Variants in HNRNPD observed in about 807,000 individuals in gnomAD.
HNRNPD encodes heterogeneous nuclear ribonucleoprotein D, also known as heterogeneous nuclear ribonucleoprotein D0.
A neutral mutation model predicts 47.9 loss-of-function variants in HNRNPD; 3 were observed. That is an observed-to-expected ratio of 0.06 (90% CI 0.03 to 0.16). The LOEUF (loss-of-function observed/expected upper bound fraction) is 0.16, where lower values mean the gene tolerates loss of function less well. Ranked by LOEUF, HNRNPD falls within the 10% of genes least tolerant of loss-of-function variation. HNRNPD has a pLI of 1.00. For missense variants in HNRNPD, 287 were observed against 454.2 expected, an observed-to-expected ratio of 0.63 and a Z score of 3.35; for synonymous variants, 171 against 165.1, an observed-to-expected ratio of 1.04 and a Z score of -0.28.
chr4:82,367,810 G>A (rs1490313542), intron 2 of HNRNPD, among the ~76,000 whole-genome samples: 4 of 152,164 alleles, frequency 2.6e-5, no homozygotes, highest in African/African-American at 7.2e-5. Context: ...CTCCACAGGA[G>A]TAAATCACTG....
chr4:82,353,880 G>A lies in HNRNPD; in HGVS notation c.*305C>T, dbSNP rs752470551. The A allele has an allele frequency of 2.0e-5, 3 of 152,594 alleles. No homozygotes were observed. Among genetic ancestry groups the A allele is most frequent in the Non-Finnish European group, 4.4e-5 (3 of 68,028 alleles). 9.5% of individuals were successfully genotyped at this position (152,594 alleles called of 1,614,324 possible). A position where few individuals can be genotyped will look rare whatever the true frequency, so the allele number is the denominator to read the frequency against. ...AACCAGTAAGACACTACTACATCAT[G>A]ACACTGTCACACTGGGCTTTTAACA... is the stretch of plus-strand genomic sequence containing the variant. On this transcript the variant is annotated 3_prime_UTR_variant, in exon 9 of 9. Transcript: ENST00000313899.
chr4:82,369,570 G>A (rs1370084278), intron 2 of HNRNPD, among the ~76,000 whole-genome samples: 1 of 96,276 alleles, frequency 1.0e-5, no homozygotes, highest in East Asian at 5.3e-4. Flanking sequence ...AATTCAATTT[G>A]GATACTCTAT....
chr4:82,354,962 G>A (rs1345717165), intron 8 of HNRNPD: 3 of 283,018 alleles, frequency 1.1e-5, no homozygotes, highest in Admixed American at 1.0e-4. Context: ...TGTGAGAATC[G>A]TGAAGTCAGC....
intron 2 of HNRNPD, among the ~76,000 whole-genome samples, chr4:82,360,585 C>G (rs978770611): frequency 3.9e-5 from 6 of 152,048 alleles, no homozygotes; most frequent in African/African-American, 1.4e-4. Context: ...GAATTTGTTA[C>G]ATAATGGCTA....
At chr4:82,359,426 T>C in intron 3 of HNRNPD, 45 bp downstream of exon 3, 1 of 1,335,412 alleles carries the variant, frequency 7.5e-7, no homozygotes, top group Non-Finnish European at 1.0e-6. Flanking sequence ...TATCCATATG[T>C]TAATATTTTA....
chr4:82,357,249 G>A (rs1162851842), intron 5 of HNRNPD, 64 bp downstream of exon 5: 4 of 1,497,746 alleles, frequency 2.7e-6, no homozygotes, highest in East Asian at 2.3e-5. Flanking sequence ...TACAGAGAAA[G>A]ATAAATGGTT....
rs955547779 is a variant in HNRNPD, at chr4:82,353,110, C to G, written c.*1075G>C. On this transcript the variant is annotated 3_prime_UTR_variant, in exon 9 of 9. Coordinates refer to ENST00000313899, the MANE Select transcript of HNRNPD (RefSeq NM_031370.3). ...TTCCCTGAATGCTAATAACAGAACT[C>G]AAGAAGCTTCCAACAAATGACAGGA... 2.0e-5 allele frequency: 3 copies of G among 152,088 alleles called. No homozygotes were observed. The highest frequency in any genetic ancestry group is 7.2e-5 in the African/African-American group (3 of 41,424). 9.4% of individuals were successfully genotyped at this position (152,088 alleles called of 1,614,324 possible).
chr4:82,372,207 G>A (rs1388674731), intron 1 of HNRNPD, among the ~76,000 whole-genome samples: 1 of 151,960 alleles, frequency 6.6e-6, no homozygotes, highest in African/African-American at 2.4e-5. Context: ...GTGAACCCAC[G>A]ATCATCGGTC....
At chr4:82,358,900 T>A in intron 3 of HNRNPD, 80 bp from the exon 4 acceptor site, 1 of 1,042,888 alleles carries the variant, frequency 9.6e-7, no homozygotes, top group Non-Finnish European at 1.4e-6. Flanking sequence ...TAAAAATAAC[T>A]ATAAATACAG....
chr4:82,355,547 A>G (rs1723679544), intron 7 of HNRNPD, 146 bp from the exon 8 acceptor site: 1 of 631,682 alleles, frequency 1.6e-6, no homozygotes, highest in Non-Finnish European at 2.8e-6. Flanking sequence ...CATTTATCAA[A>G]TAATTTACCA....
Position 82,373,526 on chromosome 4 carries a change from G to C in HNRNPD, c.153C>G (p.Thr51=). Residue 51 remains threonine, a synonymous_variant, in exon 1 of 9, where the codon ACC becomes ACG. Coordinates refer to ENST00000313899, the MANE Select transcript of HNRNPD (RefSeq NM_031370.3). ...AGSGAGTGGG[T]ASGGTEGGSA... is the part of the protein sequence containing the mutation. ...TGCCCCCTTCGGTGCCTCCAGACGC[G>C]GTTCCGCCCCCGGTCCCGGCTCCGC... 2 of 1,542,712 alleles carry C rather than the reference G, an allele frequency of 1.3e-6. No homozygotes were observed. Among genetic ancestry groups the C allele is most frequent in the South Asian group, 1.2e-5 (1 of 83,328 alleles).
Position 82,373,980 on chromosome 4 carries a change from A to G in HNRNPD, c.-302T>C, listed in dbSNP as rs1720294175. The G allele has an allele frequency of 1.6e-6, 1 of 616,968 alleles. No homozygotes were observed. 38.2% of individuals were successfully genotyped at this position (616,968 alleles called of 1,614,324 possible). A position where few individuals can be genotyped will look rare whatever the true frequency, so the allele number is the denominator to read the frequency against. ...TTAATGGCGCCGCCGCGGACCACCT[A>G]AAATGGCCGACGGAAGAACGGCGCG... On this transcript the variant is annotated 5_prime_UTR_variant, in exon 1 of 9. Transcript: ENST00000313899.
At chr4:82,362,085 C>T (rs1470083947) in intron 2 of HNRNPD, among the ~76,000 whole-genome samples, 1 of 152,144 alleles carries the variant, frequency 6.6e-6, no homozygotes, top group Non-Finnish European at 1.5e-5. Context: ...TTTTTTCTAA[C>T]AGCATCACAC....
chr4:82,365,947 G>T (rs191047351), intron 2 of HNRNPD, among the ~76,000 whole-genome samples: 1 of 151,490 alleles, frequency 6.6e-6, no homozygotes, highest in Non-Finnish European at 1.5e-5. Context: ...GAGACATTAA[G>T]GTTAGCCAAT....
chr4:82,369,666 T>TA (rs1719936820), intron 2 of HNRNPD, among the ~76,000 whole-genome samples: 2 of 146,624 alleles, frequency 1.4e-5, no homozygotes, highest in Admixed American at 1.4e-4. Flanking sequence ...AAGGGACAGA[T>TA]ACGGTGGGGA....
In HNRNPD at chr4:82,356,832, C is replaced by T; in HGVS notation, c.817G>A (p.Gly273Arg). Residue 273 changes from glycine (G) to arginine (R), a missense_variant, in exon 6 of 9, where the codon GGA (glycine) becomes AGA (arginine). By Grantham distance (125) the Gly-to-Arg change is moderately radical. This residue lies in a region of HNRNPD where 65 missense variants were observed against 107.1 expected (regional missense o/e 0.61). Transcript: ENST00000313899. ...YQQQQQWGSR[G>R]GFAGRARGRG... The stretch of plus-strand genomic sequence containing the variant: ...CCACGAGCTCTTCCTGCAAATCCTC[C>T]TCTAGATCCCCACTGTTGCTGTTGC... 1 of 1,614,180 alleles carries T rather than the reference C, an allele frequency of 6.2e-7. No individual in the cohort carries two copies. Among genetic ancestry groups the T allele is most frequent in the Non-Finnish European group, 8.5e-7 (1 of 1,180,004 alleles).
In HNRNPD at chr4:82,373,785, G is replaced by A; in HGVS notation, c.-107C>T. On this transcript the variant is annotated 5_prime_UTR_variant, in exon 1 of 9. Transcript: ENST00000313899. ...CGCTGCCGCGCGCCCGCTCTACCTC[G>A]CGAAGCACACAAGACAGGGAAGGCG... 6.6e-7 allele frequency: 1 copy of A among 1,524,086 alleles called. No homozygotes were observed. The highest frequency in any genetic ancestry group is 2.3e-4 in the Middle Eastern group (1 of 4,316). The allele number at this position is 1,524,086 out of a possible 1,614,324, so 94.4% of individuals were successfully genotyped here. A position where few individuals can be genotyped will look rare whatever the true frequency, so the allele number is the denominator to read the frequency against.
chr4:82,368,669 C>T (rs1156716146), intron 2 of HNRNPD, among the ~76,000 whole-genome samples: 1 of 152,162 alleles, frequency 6.6e-6, no homozygotes, highest in Non-Finnish European at 1.5e-5. Flanking sequence ...GACCAATCTA[C>T]GCAGGGTCTC....
At chr4:82,357,793 G>C (rs1029267561) in intron 4 of HNRNPD, 3 of 171,948 alleles carry the variant, frequency 1.7e-5, no homozygotes, top group African/African-American at 7.2e-5. Context: ...ACAGGAAGTA[G>C]GGTGGTGAGG....
Sources: allele counts gnomAD v4.1 joint callset (sites outside exome capture counted in the v4.1 genomes callset), GRCh38; gene constraint gnomAD v4.1.1; regional missense constraint gnomAD v4.1.1; transcripts MANE v1.5; gene names NCBI Gene and HGNC (gene_info 2026-07-23, HGNC 2026-07-21).